EIF4G3: variants seen among roughly 807,000 people sequenced by gnomAD.
The protein encoded by EIF4G3 is eIF-4-gamma 3.
EIF4G3 carries 34 observed loss-of-function variants against 186.4 expected under a neutral mutation model. The observed-to-expected ratio is 0.18, with a 90% CI of 0.14 to 0.24. The LOEUF (loss-of-function observed/expected upper bound fraction) is 0.24. Ranked by LOEUF, EIF4G3 falls within the 10% of genes least tolerant of loss-of-function variation. EIF4G3 has a pLI of 1.00. For missense variants in EIF4G3, 1,536 were observed against 1,948.5 expected (o/e 0.79, Z 3.99); for synonymous variants, 673 against 679.5 (o/e 0.99, Z 0.15).
At chr1:21,009,191 T>C (rs748858345) in intron 4 of EIF4G3, among the ~76,000 whole-genome samples, 72 of 152,232 alleles carry the variant, frequency 4.7e-4, no homozygotes, top group Admixed American at 2.2e-3. Flanking sequence ...TTTCTTCTTT[T>C]TTCCTTGGAG....
rs187900126 is a variant in EIF4G3, at chr1:20,972,203, T to G, written c.591+799A>C. 4.1e-4 allele frequency among the ~76,000 whole-genome samples: 62 copies of G among 152,356 alleles called. 1 individual carries two copies. The Middle Eastern group carries it at 0.01, about 25-fold the overall frequency. Reference sequence around the variant, plus strand: ...TATAAAAAACAATTAGAATACATTTTCTAAACTCTGTTTTTTGTTTCTTAA... The same window carrying G: ...TATAAAAAACAATTAGAATACATTTGCTAAACTCTGTTTTTTGTTTCTTAA... On this transcript the variant is annotated intron_variant, in intron 11 of 36. Coordinates refer to ENST00000602326, the MANE Select transcript of EIF4G3 (RefSeq NM_001391906.1).
chr1:20,937,694 C>CTA (rs1402360312), intron 14 of EIF4G3, among the ~76,000 whole-genome samples: 8 of 152,212 alleles, frequency 5.3e-5, no homozygotes, highest in Non-Finnish European at 8.8e-5. Flanking sequence ...ATGTTACATA[C>CTA]TATACATCAT....
At chr1:20,918,820 T>C (rs78174753) in intron 14 of EIF4G3, among the ~76,000 whole-genome samples, 17,077 of 150,606 alleles carry the variant, frequency 0.11, 1,185 homozygotes, top group East Asian at 0.28. Context: ...GCTGAGATTA[T>C]AGGTCTGAGC....
chr1:20,807,694 A>G (rs2058311935), intron 36 of EIF4G3, among the ~76,000 whole-genome samples, 194 bp from the exon 37 acceptor site: 1 of 151,518 alleles, frequency 6.6e-6, no homozygotes, highest in South Asian at 2.1e-4. Flanking sequence ...GGAAAAAAAG[A>G]TTGAAGCAGT....
At chr1:20,873,545 T>C (rs1010957709) in intron 20 of EIF4G3, among the ~76,000 whole-genome samples, 1 of 152,158 alleles carries the variant, frequency 6.6e-6, no homozygotes, top group African/African-American at 2.4e-5. Context: ...TACATGAACA[T>C]CTTCAACATT....
At chr1:20,887,998 A>C (rs890956565) in intron 18 of EIF4G3, among the ~76,000 whole-genome samples, 1 of 152,192 alleles carries the variant, frequency 6.6e-6, no homozygotes, top group African/African-American at 2.4e-5. Context: ...TTTGTACATA[A>C]ACATTGTCAA....
At chr1:20,851,223 C>T (rs1288173324) in intron 28 of EIF4G3, 35 bp downstream of exon 28, 2 of 1,594,356 alleles carry the variant, frequency 1.3e-6, no homozygotes, top group Admixed American at 1.7e-5. Context: ...AAATTTAAAA[C>T]CCAAATCTGC....
intron 14 of EIF4G3, among the ~76,000 whole-genome samples, chr1:20,910,513 G>A (rs1253199827): frequency 6.6e-6 from 1 of 152,186 alleles, no homozygotes; most frequent in Non-Finnish European, 1.5e-5. Context: ...GAACCTGGGA[G>A]GTGGAGGTTG....
At chr1:20,912,863 T>C (rs1241326088) in intron 14 of EIF4G3, among the ~76,000 whole-genome samples, 8 of 152,232 alleles carry the variant, frequency 5.3e-5, no homozygotes, top group Admixed American at 5.2e-4. Flanking sequence ...ACCACCTCTT[T>C]TCCTTTCACA....
intron 4 of EIF4G3, among the ~76,000 whole-genome samples, chr1:21,048,297 A>G (rs1388884961): frequency 6.6e-6 from 1 of 152,210 alleles, no homozygotes; most frequent in African/African-American, 2.4e-5. Context: ...CTTACATGCC[A>G]GTTATCAACT....
In EIF4G3 at chr1:20,849,408, C is replaced by A; in HGVS notation, c.3888+7G>T. 2.1e-6 allele frequency: 3 copies of A among 1,433,204 alleles called. No homozygotes were observed. Among genetic ancestry groups the A allele is most frequent in the South Asian group, 1.3e-5 (1 of 75,392 alleles). The allele number at this position is 1,433,204 out of a possible 1,614,324, so 88.8% of individuals were successfully genotyped here. ...TGTGTGTGTGTTTTTTTTTTAATCT[C>A]ATTTACCTTAAAATCATTAATGTGT... On this transcript the variant is annotated splice_region_variant and intron_variant, in intron 29 of 36. Transcript: ENST00000602326.
At chr1:21,001,050 C>G in intron 6 of EIF4G3, 149 bp downstream of exon 6, 1 of 370,052 alleles carries the variant, frequency 2.7e-6, no homozygotes, top group Admixed American at 3.2e-5. Context: ...CCCACTATGC[C>G]TGGCAGAAAC....
chr1:21,054,333 G>A (rs1023034906), intron 3 of EIF4G3, among the ~76,000 whole-genome samples: 12 of 130,618 alleles, frequency 9.2e-5, no homozygotes, highest in Admixed American at 4.1e-4. Flanking sequence ...CAAACACTGC[G>A]GAAGGCCGCA....
intron 8 of EIF4G3, among the ~76,000 whole-genome samples, chr1:20,981,638 ATAC>A (rs2078165480): frequency 7.9e-6 from 1 of 127,056 alleles, no homozygotes; most frequent in Non-Finnish European, 1.7e-5. Context: ...GTATACGCAC[ATAC>A]TGTATGTATA....
chr1:20,813,408 A>G (rs2059656129), intron 34 of EIF4G3, among the ~76,000 whole-genome samples, 169 bp from the exon 35 acceptor site: 1 of 150,510 alleles, frequency 6.6e-6, no homozygotes. Flanking sequence ...TAAAAAAAAA[A>G]AAAAAAAAAA....
At chr1:20,858,018 T>C (rs911376248) in intron 24 of EIF4G3, among the ~76,000 whole-genome samples, 2 of 152,168 alleles carry the variant, frequency 1.3e-5, no homozygotes, top group African/African-American at 4.8e-5. Context: ...ACCTATACAA[T>C]ACATTCAGAA....
chr1:20,858,640 A>G lies in EIF4G3; in HGVS notation c.3245-1143T>C, dbSNP rs565954570. Among the ~76,000 whole-genome samples, 145 of 152,230 alleles carry G rather than the reference A, an allele frequency of 9.5e-4. 1 individual carries two copies. Among genetic ancestry groups the G allele is most frequent in the Non-Finnish European group, 1.8e-3 (121 of 68,012 alleles). The stretch of plus-strand genomic sequence containing the variant: ...TTGTCTCCTCTCTCCCCTCTACCAT[A>G]AGATGTAAGCCGCATGATGGAAGGG... On this transcript the variant is annotated intron_variant, in intron 24 of 36. Transcript: ENST00000602326.
chr1:21,057,945 ATTAAC>A (rs1366215920), intron 3 of EIF4G3, among the ~76,000 whole-genome samples: 1 of 152,208 alleles, frequency 6.6e-6, no homozygotes, highest in African/African-American at 2.4e-5. Context: ...GGTGACCAAT[ATTAAC>A]TTGACAGAGT....
intron 4 of EIF4G3, among the ~76,000 whole-genome samples, chr1:21,026,314 TG>T (rs2092079137): frequency 6.6e-6 from 1 of 152,156 alleles, no homozygotes; most frequent in South Asian, 2.1e-4. Context: ...TTTCAACAAA[TG>T]GTTCTGGGAG....
Sources: gnomAD v4.1 joint callset for allele counts (sites outside exome capture counted in the v4.1 genomes callset) on GRCh38, gnomAD v4.1.1 for gene constraint, MANE v1.5 for transcripts, NCBI Gene and HGNC (gene_info 2026-07-23, HGNC 2026-07-21) for gene names.